The following KDM4C variants were observed in gnomAD, a reference collection of about 807,000 sequenced individuals.
KDM4C encodes lysine demethylase 4C.
A neutral mutation model predicts 129.3 loss-of-function variants in KDM4C; 81 were observed. The observed-to-expected ratio is 0.63, with a 90% CI of 0.52 to 0.75. KDM4C has a LOEUF of 0.75. Among genes scored for constraint, KDM4C ranks in the 30% least tolerant of loss-of-function variants. The pLI, the probability that KDM4C is intolerant of heterozygous loss-of-function variation, is 0.00. For synonymous variants in KDM4C, 573 were observed against 456.1 expected (o/e 1.26, Z -3.26); for missense variants, 1,457 against 1,304.0 (o/e 1.12, Z -1.81).
chr9:7,065,665 G>A (rs4742301), intron 17 of KDM4C, among the ~76,000 whole-genome samples: 128,379 of 152,214 alleles, frequency 0.84, 54,636 homozygotes, highest in East Asian at 1. Context: ...AAAATTTGCA[G>A]TGTAGTCCAG....
At chr9:6,861,654 C>G (rs770899215) in intron 5 of KDM4C, among the ~76,000 whole-genome samples, 2 of 152,212 alleles carry the variant, frequency 1.3e-5, no homozygotes, top group Non-Finnish European at 2.9e-5. Context: ...ATCCCCTCCT[C>G]TCTTCCTCCC....
At chr9:7,114,762 G>A (rs1311275633) in intron 18 of KDM4C, among the ~76,000 whole-genome samples, 2 of 152,108 alleles carry the variant, frequency 1.3e-5, no homozygotes, top group Non-Finnish European at 2.9e-5. Context: ...TGGAACCAGG[G>A]AGCCCCTTAG....
chr9:6,906,306 C>T (rs1306402767), intron 8 of KDM4C, among the ~76,000 whole-genome samples: 2 of 152,130 alleles, frequency 1.3e-5, no homozygotes, highest in African/African-American at 4.8e-5. Flanking sequence ...GTAAATGGTA[C>T]TTCTCGTTTG....
intron 1 of KDM4C, among the ~76,000 whole-genome samples, chr9:6,777,602 C>T (rs1266646889): frequency 6.6e-6 from 1 of 152,130 alleles, no homozygotes; most frequent in Non-Finnish European, 1.5e-5. Context: ...GTTGTTATAT[C>T]TGTTCTCCTT....
intron 4 of KDM4C, among the ~76,000 whole-genome samples, chr9:6,832,436 T>TTG (rs1835011600): frequency 6.8e-6 from 1 of 146,920 alleles, no homozygotes; most frequent in African/African-American, 2.5e-5. Context: ...TTCTTTTTTT[T>TTG]TTTTTTTGAG....
chr9:7,169,751 C>A, intron 20 of KDM4C, 47 bp from the exon 21 acceptor site: 2 of 1,443,144 alleles, frequency 1.4e-6, no homozygotes, highest in South Asian at 1.3e-5. Flanking sequence ...TAAAAATGGT[C>A]AGTGCTGTTT....
intron 13 of KDM4C, among the ~76,000 whole-genome samples, chr9:7,012,809 A>C (rs1822950993): frequency 6.6e-6 from 1 of 152,190 alleles, no homozygotes; most frequent in Non-Finnish European, 1.5e-5. Context: ...TATTGACATG[A>C]ACATTGTGTT....
intron 15 of KDM4C, among the ~76,000 whole-genome samples, chr9:7,033,117 G>A (rs1458042753): frequency 6.7e-6 from 1 of 149,064 alleles, no homozygotes; most frequent in South Asian, 2.1e-4. Flanking sequence ...TGGCATTGCT[G>A]TTCCCTCTGA....
At chr9:6,757,171 G>A (rs1818355370), upstream of KDM4C, among the ~76,000 whole-genome samples, 1 of 152,170 alleles carries the variant, frequency 6.6e-6, no homozygotes, top group Non-Finnish European at 1.5e-5. Flanking sequence ...AAAGCAACAA[G>A]TTGTAGGAAG....
chr9:6,960,451 C>T (rs184846791), intron 8 of KDM4C, among the ~76,000 whole-genome samples: 1 of 151,632 alleles, frequency 6.6e-6, no homozygotes, highest in Non-Finnish European at 1.5e-5. Context: ...ATCTAGGGGT[C>T]ACTCTCTTTG....
At chr9:7,027,978 C>A (rs963084475) in intron 15 of KDM4C, among the ~76,000 whole-genome samples, 1 of 152,080 alleles carries the variant, frequency 6.6e-6, no homozygotes, top group East Asian at 1.9e-4. Flanking sequence ...TGGGACTCAC[C>A]CTTCGGGACA....
At chr9:6,986,988 G>T (rs1486279591) in intron 11 of KDM4C, 1 of 227,516 alleles carries the variant, frequency 4.4e-6, no homozygotes, top group African/African-American at 2.2e-5. Flanking sequence ...GTGATTCTTT[G>T]TACCCTTTAC....
At chr9:6,849,129 A>G (rs1173410778) in intron 4 of KDM4C, among the ~76,000 whole-genome samples, 1 of 152,198 alleles carries the variant, frequency 6.6e-6, no homozygotes, top group Non-Finnish European at 1.5e-5. Context: ...CCAAATCTCA[A>G]AACCCCAAAA....
chr9:7,013,126 A>G (rs1357642791), intron 13 of KDM4C, among the ~76,000 whole-genome samples: 1 of 152,180 alleles, frequency 6.6e-6, no homozygotes, highest in Non-Finnish European at 1.5e-5. Flanking sequence ...AAAAAATTCA[A>G]ACTAAAATAA....
chr9:6,969,264 A>C (rs1187935453), intron 8 of KDM4C, among the ~76,000 whole-genome samples: 1 of 152,102 alleles, frequency 6.6e-6, no homozygotes, highest in Non-Finnish European at 1.5e-5. Flanking sequence ...TTTGATATTT[A>C]TTTCTTAATG....
At chr9:6,792,257 C>T (rs966002812) in intron 1 of KDM4C, among the ~76,000 whole-genome samples, 4 of 151,234 alleles carry the variant, frequency 2.6e-5, no homozygotes, top group African/African-American at 9.7e-5. Flanking sequence ...GCAGGAAAAT[C>T]GCTTGAACCT....
At chr9:6,860,366 T>C (rs939209764) in intron 5 of KDM4C, among the ~76,000 whole-genome samples, 1 of 152,222 alleles carries the variant, frequency 6.6e-6, no homozygotes, top group Non-Finnish European at 1.5e-5. Flanking sequence ...TTTGTTTCTC[T>C]CTAGGGAATA....
At chr9:6,934,908 A>G (rs1258879953) in intron 8 of KDM4C, among the ~76,000 whole-genome samples, 1 of 151,668 alleles carries the variant, frequency 6.6e-6, no homozygotes, top group East Asian at 1.9e-4. Flanking sequence ...AATTAGGTAT[A>G]CCAGATTTCT....
intron 18 of KDM4C, among the ~76,000 whole-genome samples, chr9:7,106,890 A>G (rs1837754245): frequency 6.6e-6 from 1 of 152,148 alleles, no homozygotes. Context: ...ATTTGTTAAT[A>G]CATTATTCCA....
Sources: gnomAD v4.1 joint callset for allele counts (sites outside exome capture counted in the v4.1 genomes callset) on GRCh38, gnomAD v4.1.1 for gene constraint, MANE v1.5 for transcripts, NCBI Gene and HGNC (gene_info 2026-07-23, HGNC 2026-07-21) for gene names.